The following ACAN variants were observed in gnomAD, a reference collection of about 807,000 sequenced individuals.
ACAN encodes aggrecan core protein.
A neutral mutation model predicts 169.1 loss-of-function variants in ACAN; 47 were observed. That is an observed-to-expected ratio of 0.28 (90% CI 0.22 to 0.35). The LOEUF (loss-of-function observed/expected upper bound fraction) is 0.35. Ranked by LOEUF, ACAN falls within the 10% of genes least tolerant of loss-of-function variation. The pLI, the probability that ACAN is intolerant of heterozygous loss-of-function variation, is 1.00. For synonymous variants in ACAN, 1,115 were observed against 1,112.2 expected (o/e 1.00, Z -0.05); for missense variants, 2,716 against 2,759.9 (o/e 0.98, Z 0.36).
intron 1 of ACAN, among the ~76,000 whole-genome samples, chr15:88,815,656 TAA>T (rs58267198): frequency 0.057 from 3,093 of 54,206 alleles, 55 homozygotes; most frequent in East Asian, 0.24. Flanking sequence ...CTGCACTGAT[TAA>T]AAAAAAAAAA....
Position 88,871,543 on chromosome 15 carries a change from G to A in ACAN, c.7219+3G>A. 6.2e-7 allele frequency: 1 copy of A among 1,610,288 alleles called. No individual in the cohort carries two copies. The highest frequency in any genetic ancestry group is 8.5e-7 in the Non-Finnish European group (1 of 1,178,434). The stretch of plus-strand genomic sequence containing the variant: ...CGAGGAGCAGGAGTTTGTCAACAGT[G>A]AGTGCGGCGGGGCCTCTGGAGCCTG... On this transcript the variant is annotated splice_donor_region_variant and intron_variant, in intron 15 of 18. Coordinates refer to ENST00000560601, the MANE Select transcript of ACAN (RefSeq NM_001369268.1). This position sits in a 1 kb window ranked among gnomAD's most constrained non-coding sequence, Gnocchi z 7.8.
rs1433775612 is a variant in ACAN at position 88,866,904 on chromosome 15, G to T, written c.6947-1312G>T. On this transcript the variant is annotated intron_variant, in intron 13 of 18. Coordinates refer to ENST00000560601, the MANE Select transcript of ACAN (RefSeq NM_001369268.1). The surrounding 1 kb of genome is among the most constrained non-coding windows in gnomAD (Gnocchi z 5.6). ...TCCTGCAGAGCCCACCTACAGACAT[G>T]TCACTGGATCTGGAAGGCTGTGTGA... Among the ~76,000 whole-genome samples the T allele has an allele frequency of 1.3e-5, 2 of 152,194 alleles. No homozygotes were observed. Among genetic ancestry groups the T allele is most frequent in the Non-Finnish European group, 2.9e-5 (2 of 68,034 alleles).
intron 5 of ACAN, among the ~76,000 whole-genome samples, chr15:88,842,510 A>G (rs12909109): frequency 9.5e-4 from 35 of 36,882 alleles, no homozygotes; most frequent in African/African-American, 2.5e-3. Context: ...CTCCCTGCCC[A>G]TCCCCCCTCC....
chr15:88,859,798 T>G (rs150486184), intron 12 of ACAN, among the ~76,000 whole-genome samples: 88 of 152,314 alleles, frequency 5.8e-4, no homozygotes, highest in Middle Eastern at 6.8e-3. Flanking sequence ...GTCTAGATAG[T>G]GCTAGAAATT....
In ACAN at chr15:88,847,340, G is replaced by A. The variant is rs371049725; in HGVS notation, c.1527G>A (p.Ser509=). Residue 509 remains serine, a synonymous_variant, in exon 8 of 19, where the codon TCG becomes TCA. Transcript: ENST00000560601. Reference sequence around the variant, plus strand: ...TGCGCACGGGGGCGGTCATTGCCTCGCCGGAGCAGCTCCAGGCCGCCTACG... The same window carrying A: ...TGCGCACGGGGGCGGTCATTGCCTCACCGGAGCAGCTCCAGGCCGCCTACG... ...ACLRTGAVIA[S]PEQLQAAYEA... The A allele has an allele frequency of 6.8e-5, 108 of 1,584,364 alleles. No individual in the cohort carries two copies. The highest frequency in any genetic ancestry group is 1.8e-4 in the Middle Eastern group (1 of 5,682).
rs1448213232 is a variant in ACAN, at chr15:88,839,823, C to T, written c.455-189C>T. ...GAATGCCTTATAAAGTAGTGAGCTC[C>T]CCATTACAGGGTGTTCCAGCAAATT... On this transcript the variant is annotated intron_variant, in intron 3 of 18. Transcript: ENST00000560601. The surrounding 1 kb of genome is among the most constrained non-coding windows in gnomAD (Gnocchi z 4.5). Among the ~76,000 whole-genome samples, 1 of 152,180 alleles carries T rather than the reference C, an allele frequency of 6.6e-6. No homozygotes were observed. The highest frequency in any genetic ancestry group is 1.5e-5 in the Non-Finnish European group (1 of 68,030).
chr15:88,836,456 C>A (rs933342636), intron 2 of ACAN, among the ~76,000 whole-genome samples, 180 bp downstream of exon 2: 1 of 152,144 alleles, frequency 6.6e-6, no homozygotes, highest in African/African-American at 2.4e-5. Flanking sequence ...AGCACCCATG[C>A]GCGGGCACAC....
intron 12 of ACAN, among the ~76,000 whole-genome samples, chr15:88,860,027 C>T (rs1897159545): frequency 1.3e-5 from 2 of 150,436 alleles, no homozygotes; most frequent in Non-Finnish European, 2.9e-5. Context: ...CGTGACATAA[C>T]TCCAAGTGCC....
At chr15:88,827,687 G>T in intron 1 of ACAN, among the ~76,000 whole-genome samples, 1 of 152,224 alleles carries the variant, frequency 6.6e-6, no homozygotes, top group South Asian at 2.1e-4. Flanking sequence ...CATACACAAT[G>T]CAGGTGTTCT....
chr15:88,817,849 GAAAAAAAAAA>G (rs10710630), intron 1 of ACAN, among the ~76,000 whole-genome samples: 3 of 73,406 alleles, frequency 4.1e-5, no homozygotes, highest in Non-Finnish European at 5.2e-5. Flanking sequence ...GTGAGACTCT[GAAAAAAAAAA>G]AAAAAAAAAA....
intron 11 of ACAN, among the ~76,000 whole-genome samples, chr15:88,852,381 C>A (rs1036167286): frequency 3.3e-5 from 5 of 152,192 alleles, no homozygotes; most frequent in African/African-American, 9.6e-5. Flanking sequence ...TAACCTCAAC[C>A]CTCTCTTGTG....
At chr15:88,841,018 T>A (rs368726691) in intron 4 of ACAN, among the ~76,000 whole-genome samples, 200 of 152,112 alleles carry the variant, frequency 1.3e-3, no homozygotes, top group Non-Finnish European at 1.1e-3. Flanking sequence ...GGTGGTGGGC[T>A]CCTGTAGTCC....
At position 88,849,403 on chromosome 15, in the gene ACAN, G is replaced by A. The variant is rs1362251927; in HGVS notation, c.1733-35G>A. On this transcript the variant is annotated intron_variant, in intron 9 of 18. Coordinates refer to ENST00000560601, the MANE Select transcript of ACAN (RefSeq NM_001369268.1). This position sits in a 1 kb window ranked among gnomAD's most constrained non-coding sequence, Gnocchi z 5.1. Reference sequence around the variant, plus strand: ...AGGGATGGACCTGGCCTGAGTGTGGGGGGGTCATATTCTACCCCTTGCCTC... The same window carrying A: ...AGGGATGGACCTGGCCTGAGTGTGGAGGGGTCATATTCTACCCCTTGCCTC... 1.3e-6 allele frequency: 2 copies of A among 1,526,246 alleles called. No individual in the cohort carries two copies. The highest frequency in any genetic ancestry group is 1.8e-6 in the Non-Finnish European group (2 of 1,133,444). The allele number at this position is 1,526,246 out of a possible 1,614,324, so 94.5% of individuals were successfully genotyped here.
rs1422316545 is a variant in ACAN at position 88,872,570 on chromosome 15, G to T, written c.7303-311G>T. Among the ~76,000 whole-genome samples, 1 of 152,078 alleles carries T rather than the reference G, an allele frequency of 6.6e-6. No individual in the cohort carries two copies. Among genetic ancestry groups the T allele is most frequent in the Non-Finnish European group, 1.5e-5 (1 of 68,006 alleles). On this transcript the variant is annotated intron_variant, in intron 16 of 18. Coordinates refer to ENST00000560601, the MANE Select transcript of ACAN (RefSeq NM_001369268.1). This position sits in a 1 kb window ranked among gnomAD's most constrained non-coding sequence, Gnocchi z 5.4. The stretch of plus-strand genomic sequence containing the variant: ...TCCCTACCCAATGTGGTCAGCCCTG[G>T]TTGGCCCTTCTGGATAAGAGGTGTG...
rs909789573 is a variant in ACAN at position 88,803,458 on chromosome 15, C to T, written c.-359C>T. The T allele has an allele frequency of 2.7e-5, 4 of 148,632 alleles. No homozygotes were observed. Among genetic ancestry groups the T allele is most frequent in the African/African-American group, 1.0e-4 (4 of 40,168 alleles). The allele number at this position is 148,632 out of a possible 1,614,324, so 9.2% of individuals were successfully genotyped here. On this transcript the variant is annotated 5_prime_UTR_variant, in exon 1 of 19. Transcript: ENST00000560601. The stretch of plus-strand genomic sequence containing the variant: ...CCCGCCCGCCCACCTACCTCCCCGC[C>T]GCTCCAGAGGGGGCTCGCAGAGCTG...
intron 1 of ACAN, among the ~76,000 whole-genome samples, chr15:88,811,190 T>C (rs1240424144): frequency 3.3e-5 from 5 of 152,340 alleles, no homozygotes; most frequent in Admixed American, 1.3e-4. Flanking sequence ...AAATTAACCC[T>C]AGTTAATTTT....
Position 88,847,963 on chromosome 15 carries a change from C to T in ACAN, c.1657C>T (p.Pro553Ser). The T allele has an allele frequency of 6.2e-7, 1 of 1,613,990 alleles. No homozygotes were observed. The highest frequency in any genetic ancestry group is 8.5e-7 in the Non-Finnish European group (1 of 1,179,876). ...ATGCGTGGGTGACAAGGACAGCAGCCCAGGGGTCAGGACCTATGGCGTGCG... is the reference window on the plus strand; with the variant it reads ...ATGCGTGGGTGACAAGGACAGCAGCTCAGGGGTCAGGACCTATGGCGTGCG... ...TPCVGDKDSS[P>S]GVRTYGVRPS... Residue 553 changes from proline to serine, a missense_variant, in exon 9 of 19, where the codon CCA (proline) becomes TCA (serine). Around this residue, in one of 3 missense-constraint regions of ACAN, gnomAD observed 1,283 missense variants for 1,281.5 expected, o/e 1.00. Transcript: ENST00000560601.
At position 88,803,667 on chromosome 15, in the gene ACAN, A is replaced by T. The variant is rs1895594637; in HGVS notation, c.-150A>T. 1 of 152,016 alleles carries T rather than the reference A, an allele frequency of 6.6e-6. No individual in the cohort carries two copies. Among genetic ancestry groups the T allele is most frequent in the Admixed American group, 6.5e-5 (1 of 15,282 alleles). 9.4% of individuals were successfully genotyped at this position (152,016 alleles called of 1,614,324 possible). ...GGGGACCTGCGGACAGGACGCCGGCAGGAGGAGGGGTGCGCAGCGCCCGCG... is the reference window on the plus strand; with the variant it reads ...GGGGACCTGCGGACAGGACGCCGGCTGGAGGAGGGGTGCGCAGCGCCCGCG... On this transcript the variant is annotated 5_prime_UTR_variant, in exon 1 of 19. Transcript: ENST00000560601.
At chr15:88,847,141 A>G (rs1896809769) in intron 7 of ACAN, 102 bp from the exon 8 acceptor site, 3 of 1,257,954 alleles carry the variant, frequency 2.4e-6, no homozygotes, top group Non-Finnish European at 3.2e-6. Context: ...GATAAATCCA[A>G]TATGTCAGGC....
Sources: allele counts gnomAD v4.1 joint callset (sites outside exome capture counted in the v4.1 genomes callset), GRCh38; gene constraint gnomAD v4.1.1; regional missense constraint gnomAD v4.1.1; non-coding constraint Gnocchi (gnomAD v3.1); transcripts MANE v1.5; gene names NCBI Gene and HGNC (gene_info 2026-07-23, HGNC 2026-07-21).